Variants in PTCD3 observed in about 807,000 individuals in gnomAD.
PTCD3 encodes pentatricopeptide repeat domain 3.
A neutral mutation model predicts 101.9 loss-of-function variants in PTCD3; 89 were observed. The observed-to-expected ratio is 0.87, with a 90% CI of 0.74 to 1.04. PTCD3 has a LOEUF of 1.04. PTCD3 is among the 50% of genes least tolerant of loss of function. PTCD3 has a pLI of 0.00. For synonymous variants in PTCD3, 296 were observed against 278.5 expected, an observed-to-expected ratio of 1.06 and a Z score of -0.63; for missense variants, 870 against 828.2, an observed-to-expected ratio of 1.05 and a Z score of -0.62.
intron 23 of PTCD3, 145 bp downstream of exon 23, chr2:86,137,285 C>A: frequency 1.5e-6 from 2 of 1,300,672 alleles, no homozygotes; most frequent in Non-Finnish European, 2.1e-6. Flanking sequence ...ATTTGTCATG[C>A]AAGTCAGGAA....
intron 1 of PTCD3, chr2:86,107,237 G>A (rs755055073): frequency 2.5e-5 from 12 of 470,830 alleles, no homozygotes; most frequent in Non-Finnish European, 4.0e-5. Context: ...CATTTTCTTT[G>A]CCTGAAGCAG....
chr2:86,118,863 G>C (rs1404268000), intron 6 of PTCD3, 58 bp from the exon 7 acceptor site: 1 of 1,563,906 alleles, frequency 6.4e-7, no homozygotes, highest in African/African-American at 1.4e-5. Context: ...GTCCTACTCA[G>C]TTATCCTTCC....
rs1406436864 is a variant in PTCD3, at chr2:86,108,207, C to CT, written c.105-142dup. 1.5e-5 allele frequency: 13 copies of CT among 862,094 alleles called. No homozygotes were observed. The Admixed American group carries it at 3.0e-4, about 20-fold the overall frequency. 53.4% of individuals were successfully genotyped at this position (862,094 alleles called of 1,614,324 possible). ...TAATGATATTGAACATGTGTACAGA[C>CT]TGTCTTCTCAGCGTTCATTGACATG... On this transcript the variant is annotated intron_variant, in intron 1 of 23. Transcript: ENST00000254630.
At chr2:86,112,344 C>G (rs896246425) in intron 4 of PTCD3, among the ~76,000 whole-genome samples, 1 of 149,026 alleles carries the variant, frequency 6.7e-6, no homozygotes, top group Non-Finnish European at 1.5e-5. Context: ...ATGTGAGCCA[C>G]AGTGCCCGGC....
Position 86,118,953 on chromosome 2 carries a change from C to G in PTCD3, c.447C>G (p.Ile149Met), listed in dbSNP as rs764289068. 1 of 1,613,806 alleles carries G rather than the reference C, an allele frequency of 6.2e-7. No individual in the cohort carries two copies. The highest frequency in any genetic ancestry group is 1.7e-5 in the Admixed American group (1 of 59,980). ...CLMPEYFEPQ[I>M]KDISEAALKE... is the part of the protein sequence containing the mutation. ...TGCCTGAGTACTTTGAACCTCAGATCAAAGACATAAGTGAAGCCGCCCTGA... is the reference window on the plus strand; with the variant it reads ...TGCCTGAGTACTTTGAACCTCAGATGAAAGACATAAGTGAAGCCGCCCTGA... Residue 149 changes from isoleucine (I) to methionine (M), a missense_variant, in exon 7 of 24, where the codon ATC (isoleucine) becomes ATG (methionine). Coordinates refer to ENST00000254630, the MANE Select transcript of PTCD3 (RefSeq NM_017952.6).
intron 4 of PTCD3, among the ~76,000 whole-genome samples, chr2:86,114,757 C>G (rs573404071): frequency 4.1e-4 from 63 of 152,216 alleles, no homozygotes; most frequent in South Asian, 1.5e-3. Context: ...TGTGTGAGGT[C>G]TCCGTGACCA....
chr2:86,113,661 G>T (rs1674128107), intron 4 of PTCD3, among the ~76,000 whole-genome samples: 1 of 151,992 alleles, frequency 6.6e-6, no homozygotes, highest in African/African-American at 2.4e-5. Flanking sequence ...ACAAAAATTA[G>T]CTGAGCGTGG....
chr2:86,110,910 CAA>C, intron 3 of PTCD3: 1 of 739,832 alleles, frequency 1.4e-6, no homozygotes, highest in Non-Finnish European at 2.5e-6. Flanking sequence ...AGAGGACAGG[CAA>C]AGAGAGGAAC....
At chr2:86,124,437 C>T (rs1424330457) in intron 9 of PTCD3, among the ~76,000 whole-genome samples, 2 of 152,100 alleles carry the variant, frequency 1.3e-5, no homozygotes, top group Admixed American at 1.3e-4. Context: ...CCAGCCTGGC[C>T]AACATGGTGA....
At position 86,116,578 on chromosome 2, in the gene PTCD3, C is replaced by G; in HGVS notation, c.289C>G (p.Pro97Ala). 1.9e-6 allele frequency: 3 copies of G among 1,609,412 alleles called. No homozygotes were observed. The South Asian group carries it at 3.3e-5, about 18-fold the overall frequency. The change falls in exon 5 of 24, where the codon CCA becomes GCA. Residue 97 changes from proline (P) to alanine (A), a missense_variant. By Grantham distance (27) the Pro-to-Ala change is conservative (BLOSUM62 -1). Coordinates refer to ENST00000254630, the MANE Select transcript of PTCD3 (RefSeq NM_017952.6). The stretch of plus-strand genomic sequence containing the variant: ...GTTTCAAGATGATCCTTACCTTATG[C>G]CAGCATCATCTTTGGAATCTGTGAG... ...YVFQDDPYLM[P>A]ASSLESRSFL...
At chr2:86,123,131 A>G (rs1393395929) in intron 8 of PTCD3, among the ~76,000 whole-genome samples, 1 of 152,058 alleles carries the variant, frequency 6.6e-6, no homozygotes, top group Non-Finnish European at 1.5e-5. Flanking sequence ...GCGTGGTGGC[A>G]CGCGCCTGTA....
rs201291106 is a variant in PTCD3, at chr2:86,116,541, T to C, written c.252T>C (p.Ala84=). ...TGTCTTTTCCACAGGATACCACAGC[T>C]GTGCCTTATGTGTTTCAAGATGATC... The part of the protein sequence containing the change: ...LASTVNRDTT[A]VPYVFQDDPY... Residue 84 remains alanine, a synonymous_variant, in exon 5 of 24, where the codon GCT becomes GCC. Coordinates refer to ENST00000254630, the MANE Select transcript of PTCD3 (RefSeq NM_017952.6). 1.7e-5 allele frequency: 27 copies of C among 1,608,956 alleles called. 1 individual carries two copies. In the East Asian group the frequency reaches 5.6e-4, roughly 33 times the overall value.
chr2:86,125,371 C>T (rs1674364791), intron 10 of PTCD3, 84 bp from the exon 11 acceptor site: 2 of 1,392,086 alleles, frequency 1.4e-6, no homozygotes, highest in African/African-American at 2.8e-5. Context: ...TGAGCCTGAG[C>T]TATATTACCA....
chr2:86,119,069 T>G (rs1306461717), intron 7 of PTCD3, 25 bp downstream of exon 7: 2 of 1,610,968 alleles, frequency 1.2e-6, no homozygotes. Flanking sequence ...TTAAAGCCCC[T>G]CTAATAACAT....
At chr2:86,133,538 T>C in intron 19 of PTCD3, 102 bp downstream of exon 19, 1 of 1,140,440 alleles carries the variant, frequency 8.8e-7, no homozygotes, top group Non-Finnish European at 1.3e-6. Context: ...AACTTCCATT[T>C]TGACTGAACC....
At chr2:86,136,649 T>C in intron 22 of PTCD3, 87 bp downstream of exon 22, 1 of 1,449,822 alleles carries the variant, frequency 6.9e-7, no homozygotes, top group Non-Finnish European at 9.7e-7. Context: ...CCACCACATT[T>C]GGGCACTCTT....
chr2:86,134,035 C>T (rs1181894808), intron 19 of PTCD3, among the ~76,000 whole-genome samples: 2 of 152,158 alleles, frequency 1.3e-5, no homozygotes, highest in African/African-American at 2.4e-5. Context: ...TATAAAACAA[C>T]GTCTTAACCA....
chr2:86,110,735 A>G (rs1041011226), intron 3 of PTCD3, among the ~76,000 whole-genome samples: 3 of 152,236 alleles, frequency 2.0e-5, no homozygotes, highest in East Asian at 3.8e-4. Context: ...TTATTCTCCT[A>G]TAACTGAATC....
intron 10 of PTCD3, 131 bp from the exon 11 acceptor site, chr2:86,125,324 A>G: frequency 3.6e-6 from 4 of 1,118,430 alleles, no homozygotes; most frequent in Admixed American, 4.2e-5. Flanking sequence ...CCACTGCACT[A>G]GAGTATGAGC....
Sources: allele counts gnomAD v4.1 joint callset (sites outside exome capture counted in the v4.1 genomes callset), GRCh38; gene constraint gnomAD v4.1.1; transcripts MANE v1.5; gene names NCBI Gene and HGNC (gene_info 2026-07-23, HGNC 2026-07-21).